DNAH2: variants seen among roughly 807,000 people sequenced by gnomAD.
DNAH2 encodes the protein axonemal beta dynein heavy chain 2.
DNAH2 carries 323 observed loss-of-function variants against 523.5 expected under a neutral mutation model. The ratio of observed to expected loss-of-function variants is 0.62; its 90% CI spans 0.56 to 0.68. The LOEUF (loss-of-function observed/expected upper bound fraction) is 0.68. DNAH2 is among the 30% of genes least tolerant of loss of function. The pLI is 0.00. For synonymous variants in DNAH2, 2,093 were observed against 2,177.4 expected, an observed-to-expected ratio of 0.96 and a Z score of 1.08; for missense variants, 4,907 against 5,701.5, an observed-to-expected ratio of 0.86 and a Z score of 4.49.
intron 9 of DNAH2, 47 bp from the exon 10 acceptor site, chr17:7,740,373 G>C: frequency 1.2e-6 from 2 of 1,607,498 alleles, no homozygotes; most frequent in Non-Finnish European, 1.7e-6. Context: ...TTGGAGTTGG[G>C]GGCAGGCGAG....
chr17:7,817,049 T>C (rs1483217711), intron 64 of DNAH2, among the ~76,000 whole-genome samples: 1 of 152,162 alleles, frequency 6.6e-6, no homozygotes, highest in Non-Finnish European at 1.5e-5. Flanking sequence ...TGCCCCTCAG[T>C]GAGCTCCTGG....
At position 7,774,817 on chromosome 17, in the gene DNAH2, G is replaced by A. The variant is rs1206856585; in HGVS notation, c.4560G>A (p.Leu1520=). The change falls in exon 29 of 86, where the codon CTG becomes CTA. Residue 1520 remains leucine, a synonymous_variant. Coordinates refer to ENST00000572933, the MANE Select transcript of DNAH2 (RefSeq NM_020877.5). ...NTILEDIQKS[L]DMYLETKRHI... ...TCCTGGAAGATATTCAGAAATCTCT[G>A]GATATGTATTTAGAGACCAAGCGAC... 8.7e-6 allele frequency: 14 copies of A among 1,614,196 alleles called. No homozygotes were observed. Among genetic ancestry groups the A allele is most frequent in the Non-Finnish European group, 1.2e-5 (14 of 1,180,028 alleles).
intron 2 of DNAH2, 82 bp from the exon 3 acceptor site, chr17:7,723,546 A>G: frequency 8.7e-7 from 1 of 1,154,866 alleles, no homozygotes; most frequent in Non-Finnish European, 1.3e-6. Flanking sequence ...TGCTAGGACT[A>G]CAGGTGTGAG....
intron 4 of DNAH2, among the ~76,000 whole-genome samples, chr17:7,731,394 T>C (rs924563236): frequency 6.6e-6 from 1 of 152,010 alleles, no homozygotes; most frequent in Non-Finnish European, 1.5e-5. Context: ...AAACCTCTCT[T>C]CTGGATGAAG....
rs1136827 is a variant in DNAH2 at position 7,754,369 on chromosome 17, A to G, written c.1905-2722A>G. ...CCAGGCTTCCGGTTCTAGGTGCTTC[A>G]GGAGCCGTGGCTTAAGGTGCAGACA... is the stretch of plus-strand genomic sequence containing the variant. On this transcript the variant is annotated intron_variant, in intron 12 of 85. Transcript: ENST00000572933. The surrounding 1 kb of genome is among the most constrained non-coding windows in gnomAD (Gnocchi z 4.6). 6.0e-6 allele frequency: 3 copies of G among 503,542 alleles called. No homozygotes were observed. The highest frequency in any genetic ancestry group is 1.1e-3 in the Middle Eastern group (2 of 1,806). 31.2% of individuals were successfully genotyped at this position (503,542 alleles called of 1,614,324 possible).
intron 12 of DNAH2, 125 bp from the exon 13 acceptor site, chr17:7,756,966 A>G: frequency 7.2e-7 from 1 of 1,397,270 alleles, no homozygotes; most frequent in Non-Finnish European, 9.9e-7. Flanking sequence ...CCACCATACC[A>G]GGCCTCTGCT....
chr17:7,767,730 C>T (rs57120400), intron 22 of DNAH2, among the ~76,000 whole-genome samples, 170 bp from the exon 23 acceptor site: 2,069 of 151,590 alleles, frequency 0.014, 40 homozygotes, highest in African/African-American at 0.047. Context: ...GTGCTTGTTC[C>T]TTGATAAGCT....
intron 31 of DNAH2, 145 bp downstream of exon 31, chr17:7,776,294 C>T (rs1277661965): frequency 1.3e-5 from 12 of 948,952 alleles, no homozygotes; most frequent in African/African-American, 3.3e-5. Flanking sequence ...GGTGAAACCC[C>T]GTCTCTACTA....
At chr17:7,759,707 C>G (rs989408648) in intron 16 of DNAH2, 84 bp from the exon 17 acceptor site, 1 of 1,602,542 alleles carries the variant, frequency 6.2e-7, no homozygotes, top group Admixed American at 1.7e-5. Context: ...TGACTTTATC[C>G]TATGGCCTTC....
At chr17:7,782,031 A>G (rs2076616778) in intron 39 of DNAH2, among the ~76,000 whole-genome samples, 1 of 152,244 alleles carries the variant, frequency 6.6e-6, no homozygotes, top group South Asian at 2.1e-4. Context: ...CTGGCAAGAA[A>G]GGAAGAATTC....
At chr17:7,782,013 T>C (rs2076616372) in intron 39 of DNAH2, among the ~76,000 whole-genome samples, 3 of 152,332 alleles carry the variant, frequency 2.0e-5, no homozygotes. Context: ...TTTTAATGCA[T>C]TGCTAAGCTG....
Position 7,737,069 on chromosome 17 carries a change from T to C in DNAH2, c.981T>C (p.Asp327=), listed in dbSNP as rs142399197. 2.6e-4 allele frequency: 422 copies of C among 1,612,886 alleles called. No individual in the cohort carries two copies. The highest frequency in any genetic ancestry group is 3.4e-4 in the Non-Finnish European group (396 of 1,179,130). ...TTCTCATCTCTCTTTACTGCCAGGA[T>C]GGCTCTCGTCAAGCACAGTCAAACC... ...PFMKLAQQIQ[D]GSRQAQSNLT... The change falls in exon 8 of 86, where the codon GAT becomes GAC. Residue 327 remains aspartate, a splice_region_variant and synonymous_variant. Transcript: ENST00000572933.
At chr17:7,763,245 G>A (rs1447023919) in intron 18 of DNAH2, among the ~76,000 whole-genome samples, 1 of 152,118 alleles carries the variant, frequency 6.6e-6, no homozygotes, top group Non-Finnish European at 1.5e-5. Context: ...TGCAAGCTCC[G>A]CCTCCCAGTT....
At position 7,768,021 on chromosome 17, in the gene DNAH2, G is replaced by A. The variant is rs1329243588; in HGVS notation, c.3797G>A (p.Gly1266Glu). The change falls in exon 23 of 86, where the codon GGG (glycine) becomes GAG (glutamate). Residue 1266 changes from glycine to glutamate, a missense_variant. Gly to Glu is a moderately conservative substitution (Grantham distance 98). Transcript: ENST00000572933. ...QTETMETTAHGLFRRLTKLAK... is the reference protein window; with the variant it reads ...QTETMETTAHELFRRLTKLAK... The stretch of plus-strand genomic sequence containing the variant: ...GAAACCATGGAGACCACGGCCCACG[G>A]GCTGTTTCGTCGCCTCACAAAATTA... 1 of 1,614,020 alleles carries A rather than the reference G, an allele frequency of 6.2e-7. No homozygotes were observed.
intron 29 of DNAH2, 131 bp downstream of exon 29, chr17:7,775,107 G>T: frequency 2.4e-6 from 3 of 1,257,916 alleles, no homozygotes; most frequent in South Asian, 2.7e-5. Context: ...TTCTCAGGGG[G>T]ATAGAACTTC....
At position 7,830,387 on chromosome 17, in the gene DNAH2, C is replaced by G. The variant is rs1337109628; in HGVS notation, c.11941C>G (p.Leu3981Val). ...CTCCAAACCTGCCAAATATAAGAAG[C>G]TGCTGTTTTCACTCTGTTTCTTCCA... is the stretch of plus-strand genomic sequence containing the variant. The part of the protein sequence containing the change: ...RCSKPAKYKK[L>V]LFSLCFFHSV... Residue 3981 changes from leucine to valine, a missense_variant, in exon 78 of 86, where the codon CTG becomes GTG. Transcript: ENST00000572933. 3 of 1,614,116 alleles carry G rather than the reference C, an allele frequency of 1.9e-6. No homozygotes were observed. The highest frequency in any genetic ancestry group is 3.3e-5 in the Admixed American group (2 of 60,004).
chr17:7,769,258 T>C (rs1209077597), intron 24 of DNAH2, among the ~76,000 whole-genome samples: 1 of 151,756 alleles, frequency 6.6e-6, no homozygotes, highest in Non-Finnish European at 1.5e-5. Context: ...ACCTCGCGGG[T>C]TCAAGCAATT....
rs769427424 is a variant in DNAH2, at chr17:7,778,429, A to T, written c.5501A>T (p.Asp1834Val). 8.1e-6 allele frequency: 13 copies of T among 1,614,152 alleles called. No individual in the cohort carries two copies. Among genetic ancestry groups the T allele is most frequent in the Non-Finnish European group, 1.1e-5 (13 of 1,180,032 alleles). ...GTGGTCAACTGCTCTGAGGGCCTGGACTACAAGTCCATGGGCCGAATGTAC... is the reference window on the plus strand; with the variant it reads ...GTGGTCAACTGCTCTGAGGGCCTGGTCTACAAGTCCATGGGCCGAATGTAC... ...VIVVNCSEGL[D>V]YKSMGRMYSG... Residue 1834 changes from aspartate to valine, a missense_variant, in exon 35 of 86, where the codon GAC becomes GTC. Transcript: ENST00000572933.
At chr17:7,739,627 C>A in intron 8 of DNAH2, 106 bp from the exon 9 acceptor site, 2 of 962,594 alleles carry the variant, frequency 2.1e-6, no homozygotes, top group Non-Finnish European at 1.5e-6. Flanking sequence ...TTTTCACTTG[C>A]CATCACTCAC....
Sources: gnomAD v4.1 joint callset for allele counts (sites outside exome capture counted in the v4.1 genomes callset) on GRCh38, gnomAD v4.1.1 for gene constraint, Gnocchi (gnomAD v3.1) non-coding constraint, MANE v1.5 for transcripts, NCBI Gene and HGNC (gene_info 2026-07-23, HGNC 2026-07-21) for gene names.